The following MICU1 variants were observed in gnomAD, a reference collection of about 807,000 sequenced individuals.
MICU1 encodes the protein mitochondrial calcium uptake 1.
MICU1 carries 45 observed loss-of-function variants against 56.8 expected under a neutral mutation model. The observed-to-expected ratio is 0.79, with a 90% confidence interval of 0.62 to 1.02. The LOEUF (loss-of-function observed/expected upper bound fraction) is 1.02, where lower values mean the gene tolerates loss of function less well. Among genes scored for constraint, MICU1 ranks in the 50% least tolerant of loss-of-function variants. The pLI is 0.00. For missense variants in MICU1, 504 were observed against 587.1 expected (o/e 0.86, Z 1.46); for synonymous variants, 186 against 195.1 (o/e 0.95, Z 0.39).
chr10:72,432,785 C>T (rs2132161370), intron 8 of MICU1, among the ~76,000 whole-genome samples: 1 of 152,354 alleles, frequency 6.6e-6, no homozygotes, highest in South Asian at 2.1e-4. Flanking sequence ...CCACTAGGCA[C>T]AGCCTCCAAC....
intron 8 of MICU1, among the ~76,000 whole-genome samples, chr10:72,447,406 T>G (rs1249798777): frequency 2.0e-5 from 3 of 152,176 alleles, no homozygotes; most frequent in Non-Finnish European, 4.4e-5. Flanking sequence ...ATATATATTA[T>G]TGGCATGATT....
intron 6 of MICU1, among the ~76,000 whole-genome samples, chr10:72,503,916 T>C (rs1419659433): frequency 1.3e-5 from 2 of 151,154 alleles, no homozygotes; most frequent in African/African-American, 4.9e-5. Flanking sequence ...CCTAGGAATA[T>C]ACGTGACCAA....
intron 2 of MICU1, 67 bp from the exon 3 acceptor site, chr10:72,563,130 A>C (rs1469113432): frequency 2.5e-6 from 3 of 1,223,830 alleles, no homozygotes; most frequent in Non-Finnish European, 3.2e-6. Flanking sequence ...ATAAGCAAAC[A>C]GATACAGCTT....
At chr10:72,446,418 C>T (rs1865106042) in intron 8 of MICU1, among the ~76,000 whole-genome samples, 1 of 151,186 alleles carries the variant, frequency 6.6e-6, no homozygotes. Context: ...CCAACCTCCA[C>T]CTCTCGGGTT....
rs192889057 is a variant in MICU1 at position 72,533,346 on chromosome 10, C to T, written c.537+400G>A. On this transcript the variant is annotated intron_variant, in intron 5 of 11. Coordinates refer to ENST00000361114, the MANE Select transcript of MICU1 (RefSeq NM_001195518.2). ...AATTATTACAAAAGCACTACAAGGA[C>T]CTTTGTAATTTTCTAGTTAAGATTA... is the stretch of plus-strand genomic sequence containing the variant. Among the ~76,000 whole-genome samples the T allele has an allele frequency of 3.6e-3, 553 of 152,194 alleles. 1 individual carries two copies. Among genetic ancestry groups the T allele is most frequent in the Admixed American group, 6.8e-3 (104 of 15,286 alleles).
At chr10:72,624,409 C>T (rs951678110) in intron 1 of MICU1, among the ~76,000 whole-genome samples, 1 of 152,084 alleles carries the variant, frequency 6.6e-6, no homozygotes, top group Non-Finnish European at 1.5e-5. Flanking sequence ...TCTCAAACTC[C>T]TAGATTCAAG....
intron 4 of MICU1, among the ~76,000 whole-genome samples, chr10:72,539,286 C>T (rs1393657738): frequency 6.6e-6 from 1 of 152,188 alleles, no homozygotes; most frequent in African/African-American, 2.4e-5. Flanking sequence ...CTACAGAATA[C>T]ACATTCTTCT....
chr10:72,611,910 C>T (rs1281742934), intron 1 of MICU1, among the ~76,000 whole-genome samples: 3 of 150,850 alleles, frequency 2.0e-5, no homozygotes, highest in Non-Finnish European at 4.4e-5. Flanking sequence ...TCGCTTGAGG[C>T]CAAGAGTTTG....
rs1867156167 is a variant in MICU1 at position 72,503,863 on chromosome 10, T to TAGACACACAC, written c.652+4282_652+4291dup. 9.9e-5 allele frequency among the ~76,000 whole-genome samples: 11 copies of TAGACACACAC among 110,904 alleles called. No homozygotes were observed. The South Asian group carries it at 2.7e-3, about 27-fold the overall frequency. The allele number at this position is 110,904 out of a possible 152,430, so 72.8% of individuals were successfully genotyped here. ...ATCAAGAACTCAATTCCATTTACAA[T>TAGACACACAC]AGACACACACACACACACACACACA... On this transcript the variant is annotated intron_variant, in intron 6 of 11. Coordinates refer to ENST00000361114, the MANE Select transcript of MICU1 (RefSeq NM_001195518.2).
Position 72,569,235 on chromosome 10 carries a change from A to ATTTTTTTTTTTT in MICU1, c.-1-2442_-1-2441insAAAAAAAAAAAA, listed in dbSNP as rs1245936809. 5.9e-3 allele frequency among the ~76,000 whole-genome samples: 251 copies of ATTTTTTTTTTTT among 42,562 alleles called. 4 individuals are homozygous for ATTTTTTTTTTTT. Among genetic ancestry groups the ATTTTTTTTTTTT allele is most frequent in the Non-Finnish European group, 8.8e-3 (203 of 23,002 alleles). The allele number at this position is 42,562 out of a possible 152,430, so 27.9% of individuals were successfully genotyped here. On this transcript the variant is annotated intron_variant, in intron 1 of 11. Transcript: ENST00000361114. The stretch of plus-strand genomic sequence containing the variant: ...TATATATATATATATATATATATAT[A>ATTTTTTTTTTTT]TATTTTTTTTTTTTTTTGAGATGGC...
Position 72,587,263 on chromosome 10 carries a change from A to C in MICU1, c.-1-20469T>G, listed in dbSNP as rs138807441. On this transcript the variant is annotated intron_variant, in intron 1 of 11. Coordinates refer to ENST00000361114, the MANE Select transcript of MICU1 (RefSeq NM_001195518.2). ...TGAGGTAAGAGGATTGCTTGAGTCC[A>C]GGAGTATAAGACTAGCCAATACAGC... Among the ~76,000 whole-genome samples, 390 of 152,214 alleles carry C rather than the reference A, an allele frequency of 2.6e-3. 2 individuals carry two copies. Among genetic ancestry groups the C allele is most frequent in the Non-Finnish European group, 4.8e-3 (326 of 68,014 alleles).
intron 8 of MICU1, among the ~76,000 whole-genome samples, chr10:72,448,121 ATG>A (rs150733309): frequency 0.021 from 2,574 of 121,768 alleles, 45 homozygotes; most frequent in African/African-American, 0.05. Flanking sequence ...GTTTATATAT[ATG>A]TGTGTGTGTG....
At chr10:72,568,848 G>T (rs1263067485) in intron 1 of MICU1, among the ~76,000 whole-genome samples, 1 of 146,448 alleles carries the variant, frequency 6.8e-6, no homozygotes, top group Non-Finnish European at 1.5e-5. Context: ...CACCTCCCGG[G>T]TTCAAGCGAT....
intron 1 of MICU1, among the ~76,000 whole-genome samples, chr10:72,613,976 C>A (rs1321104155): frequency 1.3e-5 from 2 of 152,054 alleles, no homozygotes; most frequent in Non-Finnish European, 2.9e-5. Flanking sequence ...GAAACCCCGT[C>A]TCAATTAAAA....
intron 8 of MICU1, among the ~76,000 whole-genome samples, chr10:72,447,201 A>G (rs1380198489): frequency 1.3e-5 from 2 of 152,186 alleles, no homozygotes; most frequent in Admixed American, 6.6e-5. Flanking sequence ...TGAAGTTACT[A>G]TGTATGGGGC....
intron 8 of MICU1, among the ~76,000 whole-genome samples, chr10:72,444,377 A>G (rs1392201020): frequency 1.3e-5 from 2 of 151,962 alleles, no homozygotes; most frequent in African/African-American, 4.8e-5. Context: ...TATAATAATA[A>G]TAAGAAGAAA....
chr10:72,431,094 GTCTATCTATCTA>G (rs143659735), intron 8 of MICU1, among the ~76,000 whole-genome samples: 55 of 141,432 alleles, frequency 3.9e-4, no homozygotes, highest in Admixed American at 5.8e-4. Flanking sequence ...TTATCTGTCT[GTCTATCTATCTA>G]TCTATCTATC....
intron 8 of MICU1, among the ~76,000 whole-genome samples, chr10:72,442,966 A>C (rs1305366866): frequency 6.6e-6 from 1 of 152,172 alleles, no homozygotes; most frequent in African/African-American, 2.4e-5. Flanking sequence ...CATGTTGGCC[A>C]GGCTGGTCTC....
chr10:72,526,371 A>G (rs546861759), intron 5 of MICU1, among the ~76,000 whole-genome samples: 2 of 152,160 alleles, frequency 1.3e-5, no homozygotes, highest in South Asian at 4.1e-4. Context: ...ATCTTGGCTC[A>G]CTGCACCTCC....
Sources: allele counts gnomAD v4.1 joint callset (sites outside exome capture counted in the v4.1 genomes callset), GRCh38; gene constraint gnomAD v4.1.1; transcripts MANE v1.5; gene names NCBI Gene and HGNC (gene_info 2026-07-23, HGNC 2026-07-21).